RAP1GAP2: variants seen among roughly 807,000 people sequenced by gnomAD.
RAP1GAP2 encodes rap1 GTPase-activating protein 2.
A neutral mutation model predicts 95.0 loss-of-function variants in RAP1GAP2; 27 were observed. The ratio of observed to expected loss-of-function variants is 0.28; its 90% CI spans 0.21 to 0.39. The LOEUF (loss-of-function observed/expected upper bound fraction) is 0.39. Ranked by LOEUF, RAP1GAP2 falls within the 10% of genes least tolerant of loss-of-function variation. RAP1GAP2 has a pLI of 1.00. For missense variants in RAP1GAP2, 771 were observed against 970.0 expected (o/e 0.79, Z 2.72); for synonymous variants, 373 against 380.9 (o/e 0.98, Z 0.24).
At chr17:2,910,124 C>T (rs1055114004) in intron 3 of RAP1GAP2, among the ~76,000 whole-genome samples, 2 of 152,216 alleles carry the variant, frequency 1.3e-5, no homozygotes, top group African/African-American at 2.4e-5. Flanking sequence ...CTCCTGCTTG[C>T]AGGCTGTCCG....
At chr17:3,001,953 C>CAA (rs2046174177) in intron 14 of RAP1GAP2, among the ~76,000 whole-genome samples, 1 of 151,054 alleles carries the variant, frequency 6.6e-6, no homozygotes. Flanking sequence ...GAAGTCTTTA[C>CAA]CCACTCTTCT....
In RAP1GAP2 at chr17:3,032,300, A is replaced by G. The variant is rs188358265; in HGVS notation, c.2185-111A>G. 3.7e-3 allele frequency: 4,742 copies of G among 1,270,758 alleles called. 128 individuals are homozygous for G. The African/African-American group carries it at 0.056, about 15-fold the overall frequency. 78.7% of individuals were successfully genotyped at this position (1,270,758 alleles called of 1,614,324 possible). Reference sequence around the variant, plus strand: ...GAAGTGCTTGTTCCTGGGGTCCTGAATCCCTTCCTGAGCTCACCAGACTGT... The same window carrying G: ...GAAGTGCTTGTTCCTGGGGTCCTGAGTCCCTTCCTGAGCTCACCAGACTGT... On this transcript the variant is annotated intron_variant, in intron 23 of 24. Transcript: ENST00000254695.
rs2045921934 is a variant in RAP1GAP2, at chr17:2,995,559, A to G, written c.1044+93A>G. The stretch of plus-strand genomic sequence containing the variant: ...CTGCTAAGAGGCTGTGGCCGTCCCC[A>G]TATTCGTTCCCGTAGCCGGCCATTC... On this transcript the variant is annotated intron_variant, in intron 13 of 24. Transcript: ENST00000254695. 13 of 1,522,260 alleles carry G rather than the reference A, an allele frequency of 8.5e-6. No individual in the cohort carries two copies. The South Asian group carries it at 1.5e-4, about 18-fold the overall frequency. The allele number at this position is 1,522,260 out of a possible 1,614,324, so 94.3% of individuals were successfully genotyped here.
intron 2 of RAP1GAP2, among the ~76,000 whole-genome samples, chr17:2,851,852 AT>A (rs372836649): frequency 1.3e-5 from 2 of 152,086 alleles, no homozygotes; most frequent in Non-Finnish European, 2.9e-5. Context: ...AAGTGCTGGG[AT>A]TACAGGTGTG....
chr17:2,977,641 A>G (rs541417837), intron 8 of RAP1GAP2, among the ~76,000 whole-genome samples: 1 of 149,204 alleles, frequency 6.7e-6, no homozygotes, highest in South Asian at 2.2e-4. Context: ...GCTACTCGGG[A>G]GGCTGAGGCA....
chr17:2,942,997 G>A (rs986668554), intron 3 of RAP1GAP2, among the ~76,000 whole-genome samples: 3 of 152,018 alleles, frequency 2.0e-5, no homozygotes, highest in East Asian at 1.9e-4. Context: ...TTGAACTCCT[G>A]ACCTCAAGTG....
chr17:3,002,928 CT>C (rs1353540231), intron 14 of RAP1GAP2, among the ~76,000 whole-genome samples: 2 of 151,990 alleles, frequency 1.3e-5, no homozygotes, highest in Non-Finnish European at 2.9e-5. Context: ...TTGCAAGGTG[CT>C]TTGGGGAAAC....
At chr17:2,859,990 G>A (rs1306783989) in intron 2 of RAP1GAP2, among the ~76,000 whole-genome samples, 6 of 150,678 alleles carry the variant, frequency 4.0e-5, no homozygotes, top group Admixed American at 2.7e-4. Context: ...CTCTTTTTGC[G>A]ACGTTAGTCA....
At chr17:2,793,730 A>G (rs933957085), upstream of RAP1GAP2, among the ~76,000 whole-genome samples, 7 of 152,246 alleles carry the variant, frequency 4.6e-5, no homozygotes, top group African/African-American at 1.7e-4. Flanking sequence ...CTTTATTCGT[A>G]CGGCTGGCTC....
At chr17:2,820,347 G>A (rs111533635) in intron 2 of RAP1GAP2, among the ~76,000 whole-genome samples, 4,388 of 152,144 alleles carry the variant, frequency 0.029, 230 homozygotes, top group African/African-American at 0.099. Flanking sequence ...TAGGCTGGGC[G>A]CGGTGGCTCA....
intron 17 of RAP1GAP2, among the ~76,000 whole-genome samples, chr17:3,011,800 T>G (rs553114056): frequency 6.6e-6 from 1 of 151,980 alleles, no homozygotes; most frequent in South Asian, 2.1e-4. Context: ...TTTTGTATTT[T>G]TAGTAGGGAC....
At chr17:2,990,727 C>T (rs1234262572) in intron 11 of RAP1GAP2, among the ~76,000 whole-genome samples, 1 of 152,188 alleles carries the variant, frequency 6.6e-6, no homozygotes, top group Non-Finnish European at 1.5e-5. Flanking sequence ...TCCACACCCT[C>T]ACCAACACTT....
At position 2,800,042 on chromosome 17, in the gene RAP1GAP2, G is replaced by T. The variant is rs1433991370; in HGVS notation, c.45-473G>T. 6.1e-5 allele frequency: 18 copies of T among 296,524 alleles called. No homozygotes were observed. In the Admixed American group the frequency reaches 1.2e-3, roughly 19 times the overall value. The allele number at this position is 296,524 out of a possible 1,614,324, so 18.4% of individuals were successfully genotyped here. A position where few individuals can be genotyped will look rare whatever the true frequency, so the allele number is the denominator to read the frequency against. ...GCTCCTTGGGCAGGAGGGTCCCTGG[G>T]GCTGGGGATGCTTGCGTCTTCCCAA... is the stretch of plus-strand genomic sequence containing the variant. On this transcript the variant is annotated intron_variant, in intron 1 of 24. Coordinates refer to ENST00000254695, the MANE Select transcript of RAP1GAP2 (RefSeq NM_015085.5).
chr17:2,808,941 T>C (rs887013303), intron 2 of RAP1GAP2, among the ~76,000 whole-genome samples: 7 of 152,182 alleles, frequency 4.6e-5, no homozygotes, highest in African/African-American at 1.7e-4. Flanking sequence ...ACCATGAACA[T>C]GCCTGTTTTG....
chr17:2,912,334 A>G (rs866798440), intron 3 of RAP1GAP2, among the ~76,000 whole-genome samples: 2 of 152,080 alleles, frequency 1.3e-5, no homozygotes, highest in Non-Finnish European at 2.9e-5. Context: ...AGCTTGTAGC[A>G]CAGCCCCCGG....
In RAP1GAP2 at chr17:2,797,510, C is replaced by T. The variant is rs1010593782; in HGVS notation, c.44+939C>T. 4.7e-5 allele frequency among the ~76,000 whole-genome samples: 7 copies of T among 150,016 alleles called. No homozygotes were observed. The highest frequency in any genetic ancestry group is 2.0e-4 in the East Asian group (1 of 5,064). On this transcript the variant is annotated intron_variant, in intron 1 of 24. Transcript: ENST00000254695. This position sits in a 1 kb window ranked among gnomAD's most constrained non-coding sequence, Gnocchi z 5.6. ...CGCGGGAGGTGGCCGGGGGGTGTCC[C>T]GGTGTGGAAAATGGTGGACTAATGG...
At chr17:2,804,306 G>T (rs1169225643) in intron 2 of RAP1GAP2, among the ~76,000 whole-genome samples, 1 of 152,212 alleles carries the variant, frequency 6.6e-6, no homozygotes, top group Non-Finnish European at 1.5e-5. Flanking sequence ...GTGTGCTCAG[G>T]CTTCGTTGCA....
At chr17:2,930,367 C>T (rs2043102912) in intron 3 of RAP1GAP2, among the ~76,000 whole-genome samples, 1 of 152,224 alleles carries the variant, frequency 6.6e-6, no homozygotes, top group African/African-American at 2.4e-5. Context: ...GTCAGGCGGC[C>T]AGGAACTGGG....
intron 3 of RAP1GAP2, among the ~76,000 whole-genome samples, chr17:2,950,058 C>CTTT (rs1162303233): frequency 0.14 from 13,764 of 100,578 alleles, 746 homozygotes; most frequent in South Asian, 0.24. Context: ...TCTTCTTCTT[C>CTTT]TTCTTTTTTT....
Sources: gnomAD v4.1 joint callset for allele counts (sites outside exome capture counted in the v4.1 genomes callset) on GRCh38, gnomAD v4.1.1 for gene constraint, Gnocchi (gnomAD v3.1) non-coding constraint, MANE v1.5 for transcripts, NCBI Gene and HGNC (gene_info 2026-07-23, HGNC 2026-07-21) for gene names.